The following AXDND1 variants were observed in gnomAD, a reference collection of about 807,000 sequenced individuals.
AXDND1 encodes axonemal dynein light chain domain containing 1, also known as axonemal dynein light chain domain-containing protein 1.
AXDND1 carries 110 observed loss-of-function variants against 137.5 expected under a neutral mutation model. The observed-to-expected ratio is 0.80, with a 90% CI of 0.69 to 0.94. The LOEUF (loss-of-function observed/expected upper bound fraction) is 0.94, where lower values mean the gene tolerates loss of function less well. Ranked by LOEUF, AXDND1 falls within the 40% of genes least tolerant of loss-of-function variation. The probability of loss-of-function intolerance (pLI) is 0.00; values close to 1 mark genes in which losing one functional copy is unlikely to be tolerated. For synonymous variants in AXDND1, 414 were observed against 399.7 expected (o/e 1.04, Z -0.43); for missense variants, 1,191 against 1,169.8 (o/e 1.02, Z -0.26).
At chr1:179,420,637 T>C (rs1275788742) in intron 12 of AXDND1, among the ~76,000 whole-genome samples, 1 of 137,780 alleles carries the variant, frequency 7.3e-6, no homozygotes, top group Non-Finnish European at 1.6e-5. Context: ...ATTGAGGTTT[T>C]CCTTTTTTTT....
At chr1:179,516,444 C>A (rs1033472464) in intron 21 of AXDND1, among the ~76,000 whole-genome samples, 13 of 152,248 alleles carry the variant, frequency 8.5e-5, no homozygotes, top group African/African-American at 3.1e-4. Context: ...ATCCTGAATT[C>A]TTTTTCATGT....
intron 20 of AXDND1, among the ~76,000 whole-genome samples, chr1:179,505,689 G>A (rs527857404): frequency 6.6e-6 from 1 of 151,622 alleles, no homozygotes; most frequent in South Asian, 2.1e-4. Context: ...AAAAATTGAA[G>A]ATCTCCTAGG....
chr1:179,393,451 G>T (rs7515896), intron 9 of AXDND1, among the ~76,000 whole-genome samples: 1 of 151,538 alleles, frequency 6.6e-6, no homozygotes, highest in Non-Finnish European at 1.5e-5. Context: ...GCTATGTGGG[G>T]TCTTTTTTGG....
chr1:179,541,345 C>G (rs1672119821), intron 25 of AXDND1, among the ~76,000 whole-genome samples: 1 of 152,194 alleles, frequency 6.6e-6, no homozygotes, highest in Non-Finnish European at 1.5e-5. Context: ...ACACACTGTC[C>G]AGCCAGTCCT....
At chr1:179,514,129 C>G (rs1028490297) in intron 21 of AXDND1, among the ~76,000 whole-genome samples, 1 of 151,570 alleles carries the variant, frequency 6.6e-6, no homozygotes, top group African/African-American at 2.4e-5. Flanking sequence ...TTGGTTTGTT[C>G]TTGTTTCTCT....
intron 16 of AXDND1, among the ~76,000 whole-genome samples, chr1:179,465,030 A>G (rs1662927929): frequency 6.6e-6 from 1 of 151,976 alleles, no homozygotes; most frequent in South Asian, 2.1e-4. Context: ...CTTTTTTTCA[A>G]GGTTTTTAGC....
At chr1:179,416,937 T>C (rs1438610633) in intron 12 of AXDND1, among the ~76,000 whole-genome samples, 1 of 152,218 alleles carries the variant, frequency 6.6e-6, no homozygotes, top group Non-Finnish European at 1.5e-5. Context: ...ATTTGGAAAC[T>C]TCCTTGCATA....
chr1:179,367,382 GC>G (rs1466710202), intron 2 of AXDND1, among the ~76,000 whole-genome samples: 1 of 152,120 alleles, frequency 6.6e-6, no homozygotes, highest in African/African-American at 2.4e-5. Context: ...GGGCGTGGTG[GC>G]TCGTGCCTGT....
intron 23 of AXDND1, among the ~76,000 whole-genome samples, chr1:179,529,223 C>G (rs1670833671): frequency 6.6e-6 from 1 of 152,170 alleles, no homozygotes; most frequent in Non-Finnish European, 1.5e-5. Context: ...CACTAATTCC[C>G]TGAAGTGGTG....
chr1:179,492,825 T>C (rs1188771709), intron 19 of AXDND1, 30 bp from the exon 20 acceptor site: 1 of 1,475,754 alleles, frequency 6.8e-7, no homozygotes, highest in Admixed American at 2.0e-5. Flanking sequence ...TTTGCTCTTT[T>C]TCTTTTTCTT....
chr1:179,473,714 T>C (rs988481586), intron 17 of AXDND1, among the ~76,000 whole-genome samples: 3 of 152,176 alleles, frequency 2.0e-5, no homozygotes, highest in Non-Finnish European at 4.4e-5. Context: ...GATTAGATCA[T>C]GAGAGCAGTT....
intron 4 of AXDND1, among the ~76,000 whole-genome samples, chr1:179,377,225 A>G (rs1647414449): frequency 1.3e-5 from 2 of 152,156 alleles, no homozygotes; most frequent in South Asian, 2.1e-4. Flanking sequence ...AGCCACTGCA[A>G]CTGGCCTTGA....
chr1:179,447,495 G>C, intron 16 of AXDND1: 1 of 513,868 alleles, frequency 1.9e-6, no homozygotes, highest in East Asian at 3.0e-5. Context: ...ATTAGGAATA[G>C]GTATAGATTC....
intron 25 of AXDND1, among the ~76,000 whole-genome samples, chr1:179,542,670 G>A (rs77674255): frequency 0.03 from 4,506 of 152,272 alleles, 107 homozygotes; most frequent in Non-Finnish European, 0.044. Context: ...AACTAGAGAG[G>A]TTACCTCAAT....
At chr1:179,488,668 TTTCTTTCTTTCTTTCTTTCTTTC>T (rs1353435579) in intron 18 of AXDND1, among the ~76,000 whole-genome samples, 2 of 137,490 alleles carry the variant, frequency 1.5e-5, no homozygotes, top group African/African-American at 6.0e-5. Flanking sequence ...TCTTTCTTTC[TTTCTTTCTTTCTTTCTTTCTTTC>T]TTTCTTTCCT....
At chr1:179,403,471 C>G (rs1652422451) in intron 11 of AXDND1, among the ~76,000 whole-genome samples, 1 of 152,194 alleles carries the variant, frequency 6.6e-6, no homozygotes, top group Non-Finnish European at 1.5e-5. Flanking sequence ...TGTTACTGTA[C>G]TAAACGTGAT....
chr1:179,383,652 C>A, intron 8 of AXDND1, 108 bp downstream of exon 8: 2 of 759,590 alleles, frequency 2.6e-6, no homozygotes, highest in Non-Finnish European at 4.4e-6. Flanking sequence ...TGGCCTTGGA[C>A]AAGTCATTTA....
chr1:179,543,582 A>T (rs1339078425), intron 25 of AXDND1: 1 of 152,212 alleles, frequency 6.6e-6, no homozygotes, highest in Non-Finnish European at 1.5e-5. Context: ...AGAAGGGCTC[A>T]GGAATGGTTA....
At chr1:179,521,657 C>G (rs1167593775) in intron 21 of AXDND1, among the ~76,000 whole-genome samples, 2 of 151,858 alleles carry the variant, frequency 1.3e-5, no homozygotes. Flanking sequence ...GGTCATTTGT[C>G]TTCTACCTTA....
Sources: gnomAD v4.1 joint callset for allele counts (sites outside exome capture counted in the v4.1 genomes callset) on GRCh38, gnomAD v4.1.1 for gene constraint, MANE v1.5 for transcripts, NCBI Gene and HGNC (gene_info 2026-07-23, HGNC 2026-07-21) for gene names.